The following ZSCAN12 variants were observed in gnomAD, a reference collection of about 807,000 sequenced individuals.
The protein encoded by ZSCAN12 is zinc finger and SCAN domain containing 12, also known as zinc finger and SCAN domain-containing protein 12.
In ZSCAN12, 18 loss-of-function variants were observed where a neutral mutation model predicts 23.4. That is an observed-to-expected ratio of 0.77 (90% confidence interval 0.53 to 1.14). The LOEUF (loss-of-function observed/expected upper bound fraction) is 1.14. Among genes scored for constraint, ZSCAN12 ranks in the 50% most tolerant of loss-of-function variants. The pLI, the probability that ZSCAN12 is intolerant of heterozygous loss-of-function variation, is 0.00. For missense variants in ZSCAN12, 650 were observed against 735.0 expected, an observed-to-expected ratio of 0.88 and a Z score of 1.34; for synonymous variants, 186 against 253.4, an observed-to-expected ratio of 0.73 and a Z score of 2.53.
chr6:28,397,966 T>G (rs751156142), intron 2 of ZSCAN12, 38 bp downstream of exon 2: 3 of 1,517,926 alleles, frequency 2.0e-6, no homozygotes, highest in Admixed American at 2.3e-5. Flanking sequence ...ATCCACAATT[T>G]ATGTTTTCTC....
chr6:28,390,731 G>A lies in ZSCAN12; in HGVS notation c.1559C>T (p.Thr520Ile). The A allele has an allele frequency of 6.2e-7, 1 of 1,612,102 alleles. No individual in the cohort carries two copies. The highest frequency in any genetic ancestry group is 8.5e-7 in the Non-Finnish European group (1 of 1,179,034). Residue 520 changes from threonine to isoleucine, a missense_variant, in exon 4 of 4, where the codon ACT (threonine) becomes ATT (isoleucine). Thr to Ile is a moderately conservative substitution (Grantham distance 89). Transcript: ENST00000684592. ...ATCACACTTGTAGGGCCTCTCTCCA[G>A]TGTGGATTCTCTGATGTTCCGTGAG... ...SVLTEHQRIH[T>I]GERPYKCDEC... is the part of the protein sequence containing the mutation.
Position 28,398,344 on chromosome 6 carries a change from A to AC in ZSCAN12, c.61_62insG (p.Ile21SerfsTer16), listed in dbSNP as rs2114003408. 28 of 1,553,382 alleles carry AC rather than the reference A, an allele frequency of 1.8e-5. No homozygotes were observed. The highest frequency in any genetic ancestry group is 2.3e-5 in the Non-Finnish European group (26 of 1,147,902). On this transcript the variant is annotated frameshift_variant, in exon 2 of 4. Transcript: ENST00000684592. LOFTEE classifies it high-confidence loss of function. ...TCTGGTGGTATATTTCTCTTCCTCT[A>AC]TCTTTACTTCCAAAGGTTCATCCTG...
rs1760671407 is a variant in ZSCAN12, at chr6:28,388,730, T to C, written c.*1724A>G. On this transcript the variant is annotated 3_prime_UTR_variant, in exon 4 of 4. Transcript: ENST00000684592. ...CACCACTTCAAACCCACTAACCAGC[T>C]AGAAGTGTGAAGAGAAGAGAGGACT... Among the ~76,000 whole-genome samples the C allele has an allele frequency of 6.6e-6, 1 of 152,102 alleles. No homozygotes were observed. The highest frequency in any genetic ancestry group is 1.5e-5 in the Non-Finnish European group (1 of 68,020).
exon 5 of ZSCAN12, chr6:28,379,297 A>G (rs1236657318): frequency 6.6e-6 from 1 of 152,168 alleles, no homozygotes. Flanking sequence ...TACATGAAGT[A>G]TATTTTTCTA....
At position 28,397,865 on chromosome 6, in the gene ZSCAN12, C is replaced by T. The variant is rs1561964633; in HGVS notation, c.402+139G>A. The T allele has an allele frequency of 2.7e-6, 3 of 1,101,946 alleles. No homozygotes were observed. In the South Asian group the frequency reaches 6.3e-5, roughly 23 times the overall value. 68.3% of individuals were successfully genotyped at this position (1,101,946 alleles called of 1,614,324 possible). A position where few individuals can be genotyped will look rare whatever the true frequency, so the allele number is the denominator to read the frequency against. On this transcript the variant is annotated intron_variant, in intron 2 of 3. Transcript: ENST00000684592. Reference sequence around the variant, plus strand: ...AATAAGTTGGGACCACATTAGCCAACTTTCCGTGAAACTCATGCCCCTTTC... The same window carrying T: ...AATAAGTTGGGACCACATTAGCCAATTTTCCGTGAAACTCATGCCCCTTTC...
downstream of ZSCAN12, chr6:28,382,454 T>C (rs1439103569): frequency 6.5e-7 from 1 of 1,540,138 alleles, no homozygotes. Context: ...TTCTTTGTTC[T>C]AGGCACAGCC....
At position 28,386,910 on chromosome 6, in the gene ZSCAN12, C is replaced by G. The variant is rs1379973940; in HGVS notation, c.*3544G>C. 6.6e-6 allele frequency among the ~76,000 whole-genome samples: 1 copy of G among 152,218 alleles called. No individual in the cohort carries two copies. The highest frequency in any genetic ancestry group is 1.5e-5 in the Non-Finnish European group (1 of 68,046). ...TGGTGCCATCTCAGCTCACTGCAACCTCCACCTCCCGGATTCAAGCGATTC... is the reference window on the plus strand; with the variant it reads ...TGGTGCCATCTCAGCTCACTGCAACGTCCACCTCCCGGATTCAAGCGATTC... On this transcript the variant is annotated 3_prime_UTR_variant, in exon 4 of 4. Coordinates refer to ENST00000684592, the MANE Select transcript of ZSCAN12 (RefSeq NM_001163391.2).
chr6:28,391,585 C>A lies in ZSCAN12; in HGVS notation c.705G>T (p.Glu235Asp). The A allele has an allele frequency of 6.4e-7, 1 of 1,552,264 alleles. No homozygotes were observed. Among genetic ancestry groups the A allele is most frequent in the South Asian group, 1.2e-5 (1 of 84,062 alleles). Residue 235 changes from glutamate (E) to aspartate (D), a missense_variant, in exon 4 of 4, where the codon GAG becomes GAT. Glu to Asp is a conservative substitution (Grantham distance 45). Transcript: ENST00000684592. The surrounding 1 kb of genome is among the most constrained non-coding windows in gnomAD (Gnocchi z 4.1). ...ETREPEEITE[E>D]PSACSREDKQ... The stretch of plus-strand genomic sequence containing the variant: ...TATCTTCTCTGGAGCAAGCAGAGGG[C>A]TCTTCTGTTATTTCTTCAGGTTCAC...
rs766233025 is a variant in ZSCAN12, at chr6:28,392,922, A to AGTTCTG, written c.521_526dup (p.Pro174_Glu175dup). 158 of 1,552,144 alleles carry AGTTCTG rather than the reference A, an allele frequency of 1.0e-4. No individual in the cohort carries two copies. The highest frequency in any genetic ancestry group is 1.2e-4 in the Non-Finnish European group (141 of 1,147,090). On this transcript the variant is annotated inframe_insertion, in exon 3 of 4. Coordinates refer to ENST00000684592, the MANE Select transcript of ZSCAN12 (RefSeq NM_001163391.2). ...TTTACCTTGCTCCTGTTGGGATTCAAGTTCTGGAGATTCATACTTTGGCTG... is the reference window on the plus strand; with the variant it reads ...TTTACCTTGCTCCTGTTGGGATTCAAGTTCTGGTTCTGGAGATTCATACTTTGGCTG...
downstream of ZSCAN12, among the ~76,000 whole-genome samples, chr6:28,383,619 C>T (rs1760397423): frequency 6.6e-6 from 1 of 152,142 alleles, no homozygotes; most frequent in Non-Finnish European, 1.5e-5. Context: ...AGCTGCAGAA[C>T]GTCGGAAGAG....
At chr6:28,382,364 C>A (rs970195869), downstream of ZSCAN12, 1 of 1,383,024 alleles carries the variant, frequency 7.2e-7, no homozygotes, top group Non-Finnish European at 9.4e-7. Flanking sequence ...TCTGACAGCT[C>A]TGTAAAGTCC....
chr6:28,389,492 A>C lies in ZSCAN12; in HGVS notation c.*962T>G, dbSNP rs994149061. Reference sequence around the variant, plus strand: ...CAGCCATGAAGTCAGCTGTCATTCAACTCAACGCTTCTCAAATTTTAAAGT... The same window carrying C: ...CAGCCATGAAGTCAGCTGTCATTCACCTCAACGCTTCTCAAATTTTAAAGT... On this transcript the variant is annotated 3_prime_UTR_variant, in exon 4 of 4. Coordinates refer to ENST00000684592, the MANE Select transcript of ZSCAN12 (RefSeq NM_001163391.2). Among the ~76,000 whole-genome samples, 17 of 152,252 alleles carry C rather than the reference A, an allele frequency of 1.1e-4. No homozygotes were observed. Among genetic ancestry groups the C allele is most frequent in the South Asian group, 6.2e-4 (3 of 4,820 alleles).
At chr6:28,399,578 G>A (rs1005125) in intron 1 of ZSCAN12, 79 bp downstream of exon 1, 81,136 of 152,416 alleles carry the variant, frequency 0.53, 25,255 homozygotes, top group African/African-American at 0.87. Flanking sequence ...CACCGGCCAG[G>A]GCCTGAGGGG....
At position 28,390,699 on chromosome 6, in the gene ZSCAN12, C is replaced by A. The variant is rs187082883; in HGVS notation, c.1591G>T (p.Gly531Trp). 1,183 of 1,612,456 alleles carry A rather than the reference C, an allele frequency of 7.3e-4. 6 individuals carry two copies. The highest frequency in any genetic ancestry group is 4.0e-3 in the African/African-American group (299 of 74,928). ...CTGGTGATTCCTCGGAAGGCATTCCCACACTCATCACACTTGTAGGGCCTC... is the reference window on the plus strand; with the variant it reads ...CTGGTGATTCCTCGGAAGGCATTCCAACACTCATCACACTTGTAGGGCCTC... ...GERPYKCDEC[G>W]NAFRGITSLI... The change falls in exon 4 of 4, where the codon GGG becomes TGG. Residue 531 changes from glycine (G) to tryptophan (W), a missense_variant. Physicochemically the swap from Gly to Trp is radical, Grantham distance 184. Transcript: ENST00000684592.
intron 2 of ZSCAN12, 42 bp from the exon 3 acceptor site, chr6:28,393,088 C>A (rs1315049547): frequency 1.3e-6 from 2 of 1,542,290 alleles, no homozygotes; most frequent in Admixed American, 2.0e-5. Flanking sequence ...ACTCTGATAA[C>A]AGAAAACAAA....
In ZSCAN12 at chr6:28,386,752, T is replaced by C. The variant is rs1471397521; in HGVS notation, c.*3702A>G. 6.6e-6 allele frequency among the ~76,000 whole-genome samples: 1 copy of C among 152,224 alleles called. No homozygotes were observed. The highest frequency in any genetic ancestry group is 1.5e-5 in the Non-Finnish European group (1 of 68,038). On this transcript the variant is annotated 3_prime_UTR_variant, in exon 4 of 4. Transcript: ENST00000684592. ...TGCCTACCTGGAAATTCCATGTCAC[T>C]CCACCTTTTTTTGGTACTACAACTG...
chr6:28,390,698 C>G lies in ZSCAN12; in HGVS notation c.1592G>C (p.Gly531Ala). ...GCTGGTGATTCCTCGGAAGGCATTC[C>G]CACACTCATCACACTTGTAGGGCCT... ...GERPYKCDEC[G>A]NAFRGITSLI... Residue 531 changes from glycine to alanine, a missense_variant, in exon 4 of 4, where the codon GGG becomes GCG. By Grantham distance (60) the Gly-to-Ala change is moderately conservative. Coordinates refer to ENST00000684592, the MANE Select transcript of ZSCAN12 (RefSeq NM_001163391.2). The G allele has an allele frequency of 1.2e-6, 2 of 1,612,790 alleles. No homozygotes were observed. The highest frequency in any genetic ancestry group is 1.7e-6 in the Non-Finnish European group (2 of 1,179,424).
At chr6:28,396,337 T>C (rs915546753) in intron 2 of ZSCAN12, among the ~76,000 whole-genome samples, 1 of 152,192 alleles carries the variant, frequency 6.6e-6, no homozygotes, top group Non-Finnish European at 1.5e-5. Context: ...AAACAGTACC[T>C]AGTCCAAACA....
rs749919148 is a variant in ZSCAN12, at chr6:28,388,013, C to T, written c.*2441G>A. On this transcript the variant is annotated 3_prime_UTR_variant, in exon 4 of 4. Coordinates refer to ENST00000684592, the MANE Select transcript of ZSCAN12 (RefSeq NM_001163391.2). ...CTCTCCCGAGTTTTGGCTTTGGAGC[C>T]GCAAGCAGCTGAACCTTGGTTTGGT... Among the ~76,000 whole-genome samples, 3 of 152,144 alleles carry T rather than the reference C, an allele frequency of 2.0e-5. No homozygotes were observed. The highest frequency in any genetic ancestry group is 6.5e-5 in the Admixed American group (1 of 15,280).
Sources: gnomAD v4.1 joint callset for allele counts (sites outside exome capture counted in the v4.1 genomes callset) on GRCh38, gnomAD v4.1.1 for gene constraint, Gnocchi (gnomAD v3.1) non-coding constraint, MANE v1.5 for transcripts, NCBI Gene and HGNC (gene_info 2026-07-23, HGNC 2026-07-21) for gene names.